The following KLHL4 variants were observed in gnomAD, a reference collection of about 807,000 sequenced individuals.
KLHL4 encodes kelch like family member 4.
Under a neutral mutation model 45.8 loss-of-function variants are expected in KLHL4, and 17 were observed. The observed-to-expected ratio is 0.37, with a 90% CI of 0.25 to 0.56. The LOEUF is 0.56. Among genes scored for constraint, KLHL4 ranks in the 20% least tolerant of loss-of-function variants. The pLI, the probability that KLHL4 is intolerant of heterozygous loss-of-function variation, is 0.79. For missense variants in KLHL4, 544 were observed against 544.9 expected, an observed-to-expected ratio of 1.00 and a Z score of 0.02; for synonymous variants, 224 against 189.9, an observed-to-expected ratio of 1.18 and a Z score of -1.47.
intron 1 of KLHL4, among the ~76,000 whole-genome samples, chrX:87,542,055 G>C (rs1378766120): frequency 2.7e-5 from 3 of 111,954 alleles, no homozygotes; most frequent in Non-Finnish European, 3.8e-5. Flanking sequence ...CTTTGAACTT[G>C]AGAGAGATGA....
rs183741556 is a variant in KLHL4 at position 87,546,751 on chromosome X, C to T, written c.422+28436C>T. Among the ~76,000 whole-genome samples, 16 of 112,767 alleles carry T rather than the reference C, an allele frequency of 1.4e-4. No homozygotes were observed. The East Asian group carries it at 4.5e-3, about 32-fold the overall frequency. On this transcript the variant is annotated intron_variant, in intron 1 of 10. Coordinates refer to ENST00000373119, the MANE Select transcript of KLHL4 (RefSeq NM_019117.5). ...CTGCAAAGCCACAGGGGTGGAGCTGCTCAAGGATGTGGGAGCCCACCCTTT... is the reference window on the plus strand; with the variant it reads ...CTGCAAAGCCACAGGGGTGGAGCTGTTCAAGGATGTGGGAGCCCACCCTTT...
intron 9 of KLHL4, among the ~76,000 whole-genome samples, chrX:87,656,839 A>C (rs749297512): frequency 8.9e-6 from 1 of 111,852 alleles, no homozygotes; most frequent in Non-Finnish European, 1.9e-5. Flanking sequence ...CTTATTTTTA[A>C]ACTTACTTTT....
chrX:87,584,533 A>T (rs1921393133), intron 1 of KLHL4, among the ~76,000 whole-genome samples: 1 of 112,003 alleles, frequency 8.9e-6, no homozygotes, highest in Admixed American at 9.5e-5. Flanking sequence ...TGAAAAAATC[A>T]GGAAGAAATC....
intron 1 of KLHL4, among the ~76,000 whole-genome samples, chrX:87,567,795 G>T (rs759223719): frequency 2.7e-5 from 3 of 109,505 alleles, no homozygotes; most frequent in East Asian, 5.8e-4. Flanking sequence ...ATGGACACTG[G>T]GGACTTCTGG....
chrX:87,613,719 C>T (rs1922457504), intron 1 of KLHL4, among the ~76,000 whole-genome samples, 158 bp from the exon 2 acceptor site: 1 of 111,514 alleles, frequency 9.0e-6, no homozygotes. Flanking sequence ...TATCTAAGAT[C>T]GGAAAACAGA....
At chrX:87,622,471 C>G (rs372543292) in intron 5 of KLHL4, 48 bp downstream of exon 5, 32 of 815,926 alleles carry the variant, frequency 3.9e-5, no homozygotes, top group Non-Finnish European at 5.4e-5. Context: ...TGAACTACCA[C>G]TAGGCACTAA....
chrX:87,596,901 A>T (rs960216898), intron 1 of KLHL4, among the ~76,000 whole-genome samples: 48 of 112,520 alleles, frequency 4.3e-4, no homozygotes, highest in Non-Finnish European at 1.5e-4. Context: ...TATATGATTT[A>T]TCATTATCAG....
chrX:87,634,933 G>A (rs185095427), intron 8 of KLHL4, among the ~76,000 whole-genome samples: 1 of 111,532 alleles, frequency 9.0e-6, no homozygotes, highest in East Asian at 2.8e-4. Flanking sequence ...ATTAATAAAT[G>A]TCTGTCTTCT....
At chrX:87,663,235 G>T (rs1025196255) in intron 9 of KLHL4, among the ~76,000 whole-genome samples, 5 of 110,524 alleles carry the variant, frequency 4.5e-5, no homozygotes, top group Non-Finnish European at 9.5e-5. Flanking sequence ...TTGACTTCAG[G>T]CTCAATTTCA....
chrX:87,669,353 TTC>T lies in KLHL4; in HGVS notation c.*2821_*2822del, dbSNP rs865864530. 8.3e-7 allele frequency: 1 copy of T among 1,208,423 alleles called. No individual in the cohort carries two copies. The highest frequency in any genetic ancestry group is 1.8e-5 in the South Asian group (1 of 56,846). ...GAGCATGCAAGAACTTCTACAAAAC[TTC>T]TATACCACACAGAAGCTGAAAGAGA... On this transcript the variant is annotated 3_prime_UTR_variant, in exon 11 of 11. Transcript: ENST00000373119.
chrX:87,657,170 G>A (rs1924020332), intron 9 of KLHL4, among the ~76,000 whole-genome samples: 1 of 112,463 alleles, frequency 8.9e-6, no homozygotes, highest in Non-Finnish European at 1.9e-5. Context: ...ACTTGAAGGA[G>A]GTAAGAGCCA....
chrX:87,656,358 T>C (rs1006387000), intron 9 of KLHL4, among the ~76,000 whole-genome samples: 4 of 110,447 alleles, frequency 3.6e-5, no homozygotes, highest in African/African-American at 1.3e-4. Context: ...TCCATACTTA[T>C]CAAAATCTTA....
rs768303034 is a variant in KLHL4 at position 87,625,613 on chromosome X, C to T, written c.1141C>T (p.Leu381=). ...ACCATGCATCACTACTTTTCAGTTA[C>T]TGGCAGATCTTGAAACCAGTTCCAT... ...IRLPLLPPQL[L]ADLETSSMFT... The change falls in exon 6 of 11, where the codon CTG becomes TTG. Residue 381 remains leucine, a synonymous_variant. Transcript: ENST00000373119. 37 of 1,197,106 alleles carry T rather than the reference C, an allele frequency of 3.1e-5. No homozygotes were observed. The highest frequency in any genetic ancestry group is 4.1e-5 in the Non-Finnish European group (36 of 887,556).
chrX:87,666,989 T>A lies in KLHL4; in HGVS notation c.*455T>A. ...GTAACATCTAAAGCTTAGAATAGTGTGATTTTTAGTAAGCCATTATTCTCC... is the reference window on the plus strand; with the variant it reads ...GTAACATCTAAAGCTTAGAATAGTGAGATTTTTAGTAAGCCATTATTCTCC... On this transcript the variant is annotated 3_prime_UTR_variant, in exon 11 of 11. Transcript: ENST00000373119. 1 of 703,248 alleles carries A rather than the reference T, an allele frequency of 1.4e-6. No individual in the cohort carries two copies. The highest frequency in any genetic ancestry group is 1.7e-6 in the Non-Finnish European group (1 of 592,653). The allele number at this position is 703,248 out of a possible 1,213,427, so 58.0% of individuals were successfully genotyped here. A position where few individuals can be genotyped will look rare whatever the true frequency, so the allele number is the denominator to read the frequency against.
chrX:87,529,556 T>C (rs143749595), intron 1 of KLHL4, among the ~76,000 whole-genome samples: 1,937 of 111,350 alleles, frequency 0.017, 23 homozygotes, highest in Non-Finnish European at 0.027. Flanking sequence ...CCTAGGAGAG[T>C]ATAGAGTCTT....
intron 9 of KLHL4, among the ~76,000 whole-genome samples, chrX:87,645,588 G>T (rs1284606948): frequency 3.6e-5 from 4 of 111,643 alleles, no homozygotes; most frequent in Non-Finnish European, 1.9e-5. Context: ...ATTCATAAAA[G>T]ATACTTGCAC....
chrX:87,537,961 A>G (rs781302602), intron 1 of KLHL4, among the ~76,000 whole-genome samples: 24 of 111,601 alleles, frequency 2.2e-4, no homozygotes, highest in Non-Finnish European at 4.3e-4. Context: ...GCTGGAAAGC[A>G]ACAATCCTGT....
rs1424351108 is a variant in KLHL4, at chrX:87,657,101, T to C, written c.1926-7663T>C. ...AGAGCTCTCCATAAGCTCATCTGCATTGGTGTCAATGGATTTTGTATTGAG... is the reference window on the plus strand; with the variant it reads ...AGAGCTCTCCATAAGCTCATCTGCACTGGTGTCAATGGATTTTGTATTGAG... On this transcript the variant is annotated intron_variant, in intron 9 of 10. Transcript: ENST00000373119. Among the ~76,000 whole-genome samples, 3 of 111,927 alleles carry C rather than the reference T, an allele frequency of 2.7e-5. No individual in the cohort carries two copies. In the Admixed American group the frequency reaches 2.8e-4, roughly 11 times the overall value.
At chrX:87,637,885 G>A (rs1209902079) in intron 9 of KLHL4, among the ~76,000 whole-genome samples, 1 of 111,998 alleles carries the variant, frequency 8.9e-6, no homozygotes, top group African/African-American at 3.2e-5. Flanking sequence ...GGAGGCAGAG[G>A]TTGAAGTGAG....
Sources: gnomAD v4.1 joint callset for allele counts (sites outside exome capture counted in the v4.1 genomes callset) on GRCh38, gnomAD v4.1.1 for gene constraint, MANE v1.5 for transcripts, NCBI Gene and HGNC (gene_info 2026-07-23, HGNC 2026-07-21) for gene names.